The following CCDC191 variants were observed in gnomAD, a reference collection of about 807,000 sequenced individuals.
CCDC191 encodes the protein coiled-coil domain-containing protein 191.
A neutral mutation model predicts 114.0 loss-of-function variants in CCDC191; 99 were observed. That is an observed-to-expected ratio of 0.87 (90% CI 0.74 to 1.03). The LOEUF (loss-of-function observed/expected upper bound fraction) is 1.03, where lower values mean the gene tolerates loss of function less well. CCDC191 is among the 50% of genes least tolerant of loss of function. CCDC191 has a pLI of 0.00. For synonymous variants in CCDC191, 351 were observed against 376.0 expected (o/e 0.93, Z 0.77); for missense variants, 973 against 1,087.0 (o/e 0.90, Z 1.47).
chr3:114,047,041 T>TG, intron 2 of CCDC191: 2 of 951,002 alleles, frequency 2.1e-6, no homozygotes, highest in Non-Finnish European at 2.5e-6. Flanking sequence ...TCCTGAGACA[T>TG]GGATATTTTA....
In CCDC191 at chr3:113,999,999, ATTGTC is replaced by A. The variant is rs567228295; in HGVS notation, c.2163+1591_2163+1595del. ...TGTTAGGTGGAATTATGATCGTGCTATTGTCTTTATTTGCAGATTAACTACGGTTT... is the reference window on the plus strand; with the variant it reads ...TGTTAGGTGGAATTATGATCGTGCTATTTATTTGCAGATTAACTACGGTTT... On this transcript the variant is annotated intron_variant, in intron 13 of 16. Coordinates refer to ENST00000295878, the MANE Select transcript of CCDC191 (RefSeq NM_020817.2). Among the ~76,000 whole-genome samples, 780 of 152,246 alleles carry A rather than the reference ATTGTC, an allele frequency of 5.1e-3. 5 individuals carry two copies. The highest frequency in any genetic ancestry group is 0.01 in the Middle Eastern group (3 of 294).
At chr3:113,967,452 A>C (rs751479214) in intron 16 of CCDC191, among the ~76,000 whole-genome samples, 1 of 150,798 alleles carries the variant, frequency 6.6e-6, no homozygotes. Context: ...AAACATATTC[A>C]TGATCACTGG....
intron 11 of CCDC191, chr3:114,003,793 G>C (rs1387737886): frequency 2.0e-6 from 2 of 985,196 alleles, no homozygotes; most frequent in East Asian, 2.3e-4. Context: ...ATTACTTCTT[G>C]TTAAACCAGC....
chr3:114,056,192 T>C (rs780652864), intron 1 of CCDC191, among the ~76,000 whole-genome samples, 185 bp downstream of exon 1: 1 of 152,120 alleles, frequency 6.6e-6, no homozygotes, highest in Non-Finnish European at 1.5e-5. Flanking sequence ...AAAGCCGTAA[T>C]GTGCCCAGAC....
chr3:113,992,888 T>C (rs2075614501), intron 13 of CCDC191, among the ~76,000 whole-genome samples: 1 of 152,096 alleles, frequency 6.6e-6, no homozygotes, highest in South Asian at 2.1e-4. Flanking sequence ...CTGATGAACA[T>C]AAATGCAAAA....
In CCDC191 at chr3:114,005,701, G is replaced by A. The variant is rs755444201; in HGVS notation, c.1675C>T (p.Gln559Ter). The A allele has an allele frequency of 1.2e-6, 2 of 1,614,120 alleles. No individual in the cohort carries two copies. Among genetic ancestry groups the A allele is most frequent in the African/African-American group, 2.7e-5 (2 of 75,038 alleles). The change falls in exon 10 of 17, where the codon CAG becomes TAG. Residue 559 changes from glutamine to a stop codon, truncating the protein, a stop_gained. Coordinates refer to ENST00000295878, the MANE Select transcript of CCDC191 (RefSeq NM_020817.2). LOFTEE classifies it high-confidence loss of function. Reference sequence around the variant, plus strand: ...TTTTGCTTCTCAATCAGCTGTTGCTGGAAGACATGGCGGTTGTGGAAATGA... The same window carrying A: ...TTTTGCTTCTCAATCAGCTGTTGCTAGAAGACATGGCGGTTGTGGAAATGA... ...LGHFHNRHVF[Q>*]QQLIEKQKKK...
At chr3:113,979,841 T>C (rs1488501048) in intron 14 of CCDC191, among the ~76,000 whole-genome samples, 1 of 152,232 alleles carries the variant, frequency 6.6e-6, no homozygotes, top group East Asian at 1.9e-4. Context: ...GATAACATTT[T>C]ATCTATTTTG....
At chr3:114,030,203 G>T (rs2076384650) in intron 7 of CCDC191, among the ~76,000 whole-genome samples, 1 of 152,138 alleles carries the variant, frequency 6.6e-6, no homozygotes, top group African/African-American at 2.4e-5. Context: ...GTTTTCGATT[G>T]GCCACTAATT....
chr3:114,015,668 C>A (rs1394572867), intron 8 of CCDC191, among the ~76,000 whole-genome samples: 1 of 152,192 alleles, frequency 6.6e-6, no homozygotes, highest in Non-Finnish European at 1.5e-5. Context: ...GTCAAATGGT[C>A]TAATTTAGTG....
At chr3:113,985,099 T>C (rs761656068) in intron 13 of CCDC191, among the ~76,000 whole-genome samples, 1 of 152,138 alleles carries the variant, frequency 6.6e-6, no homozygotes, top group Non-Finnish European at 1.5e-5. Context: ...AGGTTGAAGC[T>C]CCTGGGGATC....
At chr3:113,989,160 A>G (rs2075472464) in intron 13 of CCDC191, among the ~76,000 whole-genome samples, 1 of 152,232 alleles carries the variant, frequency 6.6e-6, no homozygotes, top group Non-Finnish European at 1.5e-5. Flanking sequence ...AGGCAAAACC[A>G]GATAGATATG....
At chr3:113,970,443 A>G (rs889995424) in intron 16 of CCDC191, among the ~76,000 whole-genome samples, 1 of 152,126 alleles carries the variant, frequency 6.6e-6, no homozygotes, top group South Asian at 2.1e-4. Flanking sequence ...TACAGCCATG[A>G]GCCATCACAT....
Position 114,015,222 on chromosome 3 carries a change from T to G in CCDC191, c.1163+3456A>C, listed in dbSNP as rs1413802352. 2.0e-5 allele frequency among the ~76,000 whole-genome samples: 3 copies of G among 151,876 alleles called. No individual in the cohort carries two copies. In the South Asian group the frequency reaches 6.3e-4, roughly 32 times the overall value. ...ATTACAGTAACAAAGAACGAAGGGC[T>G]TGAGGGACAAAGGGAAGAGGTAAAA... On this transcript the variant is annotated intron_variant, in intron 8 of 16. Transcript: ENST00000295878.
chr3:114,030,361 A>AT (rs905440814), intron 7 of CCDC191, among the ~76,000 whole-genome samples: 2 of 151,976 alleles, frequency 1.3e-5, no homozygotes, highest in African/African-American at 4.8e-5. Context: ...ATATCATGGT[A>AT]TTTTTTCCTT....
intron 1 of CCDC191, among the ~76,000 whole-genome samples, 190 bp from the exon 2 acceptor site, chr3:114,053,825 C>A (rs557064073): frequency 6.6e-6 from 1 of 152,258 alleles, no homozygotes; most frequent in South Asian, 2.1e-4. Flanking sequence ...AAACATGAAG[C>A]CTTCCTGGGA....
rs757485609 is a variant in CCDC191, at chr3:114,056,518, G to C, written c.-52C>G. 6.2e-7 allele frequency: 1 copy of C among 1,612,938 alleles called. No homozygotes were observed. Among genetic ancestry groups the C allele is most frequent in the Admixed American group, 1.7e-5 (1 of 60,020 alleles). ...CCAAAGCTGCAGCAACCGCCCTTCT[G>C]CCCGGGCTGCCTCCGGGTCACGCTG... On this transcript the variant is annotated 5_prime_UTR_variant, in exon 1 of 17. Coordinates refer to ENST00000295878, the MANE Select transcript of CCDC191 (RefSeq NM_020817.2).
chr3:113,980,901 TAATC>T, intron 13 of CCDC191, 108 bp from the exon 14 acceptor site: 1 of 1,001,772 alleles, frequency 1.0e-6, no homozygotes, highest in African/African-American at 1.6e-5. Flanking sequence ...AATGGTGTGT[TAATC>T]ATGATAACAG....
intron 13 of CCDC191, among the ~76,000 whole-genome samples, chr3:113,999,173 CACT>C (rs1345328804): frequency 2.0e-5 from 3 of 152,150 alleles, no homozygotes; most frequent in African/African-American, 7.2e-5. Flanking sequence ...GAGAATGGTA[CACT>C]ATTACCCCTA....
Position 114,034,906 on chromosome 3 carries a change from G to A in CCDC191, c.818+19C>T, listed in dbSNP as rs780869720. On this transcript the variant is annotated intron_variant, in intron 6 of 16. Transcript: ENST00000295878. ...TGCTTAAACAGAGAAACCCCACAGT[G>A]CTTATCACACTGGCTTACATTTTCC... 11 of 1,607,558 alleles carry A rather than the reference G, an allele frequency of 6.8e-6. No individual in the cohort carries two copies. The highest frequency in any genetic ancestry group is 1.8e-4 in the Middle Eastern group (1 of 5,432).
Sources: allele counts gnomAD v4.1 joint callset (sites outside exome capture counted in the v4.1 genomes callset), GRCh38; gene constraint gnomAD v4.1.1; transcripts MANE v1.5; gene names NCBI Gene and HGNC (gene_info 2026-07-23, HGNC 2026-07-21).